CUL5: variants seen among roughly 807,000 people sequenced by gnomAD.
CUL5 encodes cullin-5.
In CUL5, 26 loss-of-function variants were observed where a neutral mutation model predicts 108.8. The ratio of observed to expected loss-of-function variants is 0.24; its 90% confidence interval spans 0.18 to 0.33. The LOEUF is 0.33. Ranked by LOEUF, CUL5 falls within the 10% of genes least tolerant of loss-of-function variation. The pLI is 1.00. For synonymous variants in CUL5, 334 were observed against 298.0 expected, an observed-to-expected ratio of 1.12 and a Z score of -1.25; for missense variants, 524 against 909.2, an observed-to-expected ratio of 0.58 and a Z score of 5.45.
chr11:108,056,528 C>T (rs1288001316), intron 7 of CUL5, among the ~76,000 whole-genome samples: 1 of 151,988 alleles, frequency 6.6e-6, no homozygotes, highest in African/African-American at 2.4e-5. Flanking sequence ...TTGATATTGG[C>T]AAAAGGAAGG....
Position 108,089,634 on chromosome 11 carries a change from T to C in CUL5, c.1443+11T>C, listed in dbSNP as rs1450685045. 2.7e-6 allele frequency: 4 copies of C among 1,470,742 alleles called. No individual in the cohort carries two copies. The highest frequency in any genetic ancestry group is 2.9e-5 in the African/African-American group (2 of 69,376). 91.1% of individuals were successfully genotyped at this position (1,470,742 alleles called of 1,614,324 possible). A position where few individuals can be genotyped will look rare whatever the true frequency, so the allele number is the denominator to read the frequency against. On this transcript the variant is annotated intron_variant, in intron 13 of 18. Transcript: ENST00000393094. Reference sequence around the variant, plus strand: ...GTAGAGTGGCTAAGAGTAAGTAAATTTTTTTAAATATTTGGTTTTCTAATA... The same window carrying C: ...GTAGAGTGGCTAAGAGTAAGTAAATCTTTTTAAATATTTGGTTTTCTAATA...
intron 1 of CUL5, among the ~76,000 whole-genome samples, chr11:108,023,532 T>C (rs1862378089): frequency 6.8e-6 from 1 of 147,172 alleles, no homozygotes; most frequent in South Asian, 2.1e-4. Context: ...TTGAAGTTGT[T>C]GTTTGAAAAA....
chr11:108,031,018 CTG>C (rs1194499463), intron 1 of CUL5, among the ~76,000 whole-genome samples: 17 of 152,114 alleles, frequency 1.1e-4, no homozygotes, highest in African/African-American at 4.1e-4. Flanking sequence ...CATACAATCA[CTG>C]TATGCATCTC....
chr11:108,096,346 A>C (rs1472789951), intron 16 of CUL5, among the ~76,000 whole-genome samples: 6 of 134,904 alleles, frequency 4.4e-5, no homozygotes, highest in African/African-American at 1.7e-4. Context: ...AAAAAAAAAA[A>C]CAAATTAGCC....
intron 3 of CUL5, among the ~76,000 whole-genome samples, chr11:108,048,874 T>G (rs1055070148): frequency 6.6e-5 from 10 of 151,818 alleles, no homozygotes; most frequent in Non-Finnish European, 2.9e-5. Flanking sequence ...ACCATGTTGG[T>G]CAAGCTGGTC....
chr11:108,029,098 A>G (rs1796352876), intron 1 of CUL5, among the ~76,000 whole-genome samples: 1 of 152,176 alleles, frequency 6.6e-6, no homozygotes, highest in Non-Finnish European at 1.5e-5. Flanking sequence ...CCCTTTTTCC[A>G]GGTATTCCCC....
chr11:108,095,487 C>T (rs774521738), intron 15 of CUL5, 43 bp from the exon 16 acceptor site: 1 of 1,310,256 alleles, frequency 7.6e-7, no homozygotes, highest in Non-Finnish European at 1.1e-6. Context: ...AAGAGAGAAT[C>T]ATCATGAGAT....
In CUL5 at chr11:108,098,452, C is replaced by T; in HGVS notation, c.2071C>T (p.Arg691Cys). The T allele has an allele frequency of 6.2e-7, 1 of 1,604,398 alleles. No homozygotes were observed. Among genetic ancestry groups the T allele is most frequent in the Non-Finnish European group, 8.5e-7 (1 of 1,175,726 alleles). ...AAGGGGTAAAATCAACTTGATTGGA[C>T]GTTTGCAGCTCACTACAGAAAGGAT... ...QKRGKINLIG[R>C]LQLTTERMRE... Residue 691 changes from arginine (R) to cysteine (C), a missense_variant, in exon 18 of 19, where the codon CGT becomes TGT. Coordinates refer to ENST00000393094, the MANE Select transcript of CUL5 (RefSeq NM_003478.6).
At chr11:108,074,480 C>A (rs1169222675) in intron 10 of CUL5, among the ~76,000 whole-genome samples, 2 of 151,666 alleles carry the variant, frequency 1.3e-5, no homozygotes, top group Non-Finnish European at 2.9e-5. Context: ...CAGGCCTGAG[C>A]TACTGTGCCC....
At position 108,009,321 on chromosome 11, in the gene CUL5, C is replaced by A. The variant is rs758866743; in HGVS notation, c.-28C>A. On this transcript the variant is annotated 5_prime_UTR_variant, in exon 1 of 19. Transcript: ENST00000393094. Reference sequence around the variant, plus strand: ...CCGGGAGCGCCACGAATTCTCGCGTCGTCTCGCGAGAGTCCAAGTTAAAGA... The same window carrying A: ...CCGGGAGCGCCACGAATTCTCGCGTAGTCTCGCGAGAGTCCAAGTTAAAGA... 1.2e-5 allele frequency: 19 copies of A among 1,610,204 alleles called. No individual in the cohort carries two copies. The highest frequency in any genetic ancestry group is 2.2e-5 in the South Asian group (2 of 90,632).
At chr11:108,078,595 T>TA (rs1269847094) in intron 11 of CUL5, among the ~76,000 whole-genome samples, 1 of 152,154 alleles carries the variant, frequency 6.6e-6, no homozygotes, top group Non-Finnish European at 1.5e-5. Context: ...ATTTTCCTAT[T>TA]ACCGTTTTAA....
At position 108,105,451 on chromosome 11, in the gene CUL5, C is replaced by CA. The variant is rs1864772340; in HGVS notation, c.*1068dup. 1 of 152,500 alleles carries CA rather than the reference C, an allele frequency of 6.6e-6. No homozygotes were observed. Among genetic ancestry groups the CA allele is most frequent in the African/African-American group, 2.4e-5 (1 of 41,430 alleles). The allele number at this position is 152,500 out of a possible 1,614,324, so 9.4% of individuals were successfully genotyped here. On this transcript the variant is annotated 3_prime_UTR_variant, in exon 19 of 19. Transcript: ENST00000393094. ...CCTAGGGGTAAGAGAAAAACCACAACATAAGACCTGAAAAACAGAAGCAAA... is the reference window on the plus strand; with the variant it reads ...CCTAGGGGTAAGAGAAAAACCACAACAATAAGACCTGAAAAACAGAAGCAAA...
intron 11 of CUL5, among the ~76,000 whole-genome samples, chr11:108,080,327 G>C (rs1864047115): frequency 6.6e-6 from 1 of 152,018 alleles, no homozygotes; most frequent in Non-Finnish European, 1.5e-5. Context: ...GGCCTCAAGA[G>C]ATGCTCCTGC....
chr11:108,081,892 A>G (rs758277363), intron 11 of CUL5, among the ~76,000 whole-genome samples: 5 of 152,204 alleles, frequency 3.3e-5, no homozygotes, highest in African/African-American at 4.8e-5. Context: ...TAAAAGCAAG[A>G]TGTGTGCATG....
intron 1 of CUL5, among the ~76,000 whole-genome samples, chr11:108,020,529 T>A (rs2135052041): frequency 8.7e-6 from 1 of 114,556 alleles, no homozygotes; most frequent in East Asian, 3.7e-4. Flanking sequence ...GCTGAATGTG[T>A]TTGTGATTTT....
chr11:108,064,603 G>A (rs553026781), intron 7 of CUL5, among the ~76,000 whole-genome samples: 1 of 152,066 alleles, frequency 6.6e-6, no homozygotes, highest in East Asian at 1.9e-4. Context: ...CCAGCTACTC[G>A]GGAGGCTAAG....
chr11:108,079,110 A>T (rs1215333122), intron 11 of CUL5, among the ~76,000 whole-genome samples: 1 of 151,646 alleles, frequency 6.6e-6, no homozygotes, highest in Admixed American at 6.6e-5. Context: ...ATTTTAATTT[A>T]TTTATTTATT....
chr11:108,078,692 T>C (rs568888913), intron 11 of CUL5, among the ~76,000 whole-genome samples: 1 of 152,294 alleles, frequency 6.6e-6, no homozygotes, highest in African/African-American at 2.4e-5. Flanking sequence ...GAGCTAGTTA[T>C]AGCACTTTCA....
chr11:108,094,681 T>A (rs1259698656), intron 14 of CUL5, 131 bp from the exon 15 acceptor site: 1 of 865,652 alleles, frequency 1.2e-6, no homozygotes, highest in Admixed American at 3.3e-5. Context: ...AGATCTTTAT[T>A]TCAAAACAAA....
Sources: allele counts gnomAD v4.1 joint callset (sites outside exome capture counted in the v4.1 genomes callset), GRCh38; gene constraint gnomAD v4.1.1; transcripts MANE v1.5; gene names NCBI Gene and HGNC (gene_info 2026-07-23, HGNC 2026-07-21).